CTXND1: variants seen among roughly 807,000 people sequenced by gnomAD.
The protein encoded by CTXND1 is cortexin domain containing 1, also known as cortexin domain-containing 1 protein.
chr15:80,239,810 C>T (rs1476171220), intron 1 of CTXND1, among the ~76,000 whole-genome samples: 1 of 152,194 alleles, frequency 6.6e-6, no homozygotes, highest in Non-Finnish European at 1.5e-5. Context: ...CAGGCTCACT[C>T]AAGCCTCCCT....
At chr15:80,236,126 G>A (rs529918608) in intron 1 of CTXND1, among the ~76,000 whole-genome samples, 77 of 151,330 alleles carry the variant, frequency 5.1e-4, no homozygotes, top group African/African-American at 1.7e-3. Context: ...AACATCCTAT[G>A]TCATGGTCCT....
chr15:80,210,261 C>T (rs1893191643), intron 1 of CTXND1, among the ~76,000 whole-genome samples: 1 of 152,168 alleles, frequency 6.6e-6, no homozygotes, highest in African/African-American at 2.4e-5. Flanking sequence ...TTGTTCTAGC[C>T]AGTCCACTGA....
At chr15:80,248,064 G>A (rs1470968916) in intron 1 of CTXND1, among the ~76,000 whole-genome samples, 1 of 152,236 alleles carries the variant, frequency 6.6e-6, no homozygotes, top group Non-Finnish European at 1.5e-5. Context: ...TACTCTCAAT[G>A]GAGAGGATGC....
intron 1 of CTXND1, among the ~76,000 whole-genome samples, chr15:80,247,919 G>C (rs758138062): frequency 3.3e-5 from 5 of 152,124 alleles, no homozygotes; most frequent in South Asian, 2.1e-4. Context: ...TCACTACTTG[G>C]GAGCTGAATC....
chr15:80,205,150 G>A (rs905235863), intron 1 of CTXND1, among the ~76,000 whole-genome samples: 2 of 152,164 alleles, frequency 1.3e-5, no homozygotes, highest in African/African-American at 4.8e-5. Context: ...ATATCTTGGA[G>A]ATTATTTCAT....
intron 1 of CTXND1, among the ~76,000 whole-genome samples, chr15:80,240,155 AG>A (rs1342323849): frequency 6.6e-6 from 1 of 151,954 alleles, no homozygotes; most frequent in Admixed American, 6.6e-5. Flanking sequence ...AGTAGAGACG[AG>A]GTTTCTCCAT....
chr15:80,232,762 C>G (rs1318306591), intron 1 of CTXND1, among the ~76,000 whole-genome samples: 1 of 152,144 alleles, frequency 6.6e-6, no homozygotes, highest in Non-Finnish European at 1.5e-5. Context: ...GTGCTCATGC[C>G]TTTGCAATGA....
intron 1 of CTXND1, among the ~76,000 whole-genome samples, chr15:80,220,154 T>TATC (rs1375229759): frequency 1.2e-4 from 11 of 95,008 alleles, no homozygotes; most frequent in Admixed American, 2.8e-4. Flanking sequence ...ATCATCTATC[T>TATC]ATCTATCTAT....
At chr15:80,226,615 C>T (rs1893374764) in intron 1 of CTXND1, among the ~76,000 whole-genome samples, 2 of 152,154 alleles carry the variant, frequency 1.3e-5, no homozygotes, top group South Asian at 4.1e-4. Flanking sequence ...CCCAACTCCC[C>T]CACAGCTGAG....
chr15:80,212,822 G>A (rs1893214763), intron 1 of CTXND1, among the ~76,000 whole-genome samples: 1 of 152,118 alleles, frequency 6.6e-6, no homozygotes, highest in Non-Finnish European at 1.5e-5. Flanking sequence ...AATTCTACAG[G>A]CAGAAAACAT....
intron 1 of CTXND1, among the ~76,000 whole-genome samples, chr15:80,247,280 G>A (rs990226): frequency 0.71 from 107,714 of 152,012 alleles, 38,512 homozygotes; most frequent in East Asian, 0.79. Flanking sequence ...AACATTCCAC[G>A]TGTAGGAGCT....
At chr15:80,228,073 C>G (rs1219701066) in intron 1 of CTXND1, among the ~76,000 whole-genome samples, 1 of 152,198 alleles carries the variant, frequency 6.6e-6, no homozygotes, top group Non-Finnish European at 1.5e-5. Flanking sequence ...CTTCAAGGAA[C>G]CACTTTCTTT....
intron 1 of CTXND1, among the ~76,000 whole-genome samples, chr15:80,212,360 T>A (rs899644576): frequency 6.6e-6 from 1 of 152,206 alleles, no homozygotes; most frequent in African/African-American, 2.4e-5. Context: ...TCCATACTTT[T>A]AAATTCAAGA....
intron 1 of CTXND1, among the ~76,000 whole-genome samples, chr15:80,240,159 T>C (rs1893549007): frequency 6.6e-6 from 1 of 152,280 alleles, no homozygotes; most frequent in Admixed American, 6.5e-5. Context: ...GAGACGAGGT[T>C]TCTCCATGTT....
chr15:80,222,615 C>T (rs116863787), intron 1 of CTXND1, among the ~76,000 whole-genome samples: 1,881 of 152,124 alleles, frequency 0.012, 15 homozygotes, highest in Non-Finnish European at 0.019. Context: ...ATTAACAGTT[C>T]CTCCTCTCTT....
At chr15:80,245,990 A>G (rs148424862) in intron 1 of CTXND1, among the ~76,000 whole-genome samples, 1 of 152,362 alleles carries the variant, frequency 6.6e-6, no homozygotes, top group East Asian at 1.9e-4. Context: ...ACAAAACTGG[A>G]GGAAATACTA....
intron 1 of CTXND1, among the ~76,000 whole-genome samples, chr15:80,230,336 A>G (rs559633464): frequency 2.9e-4 from 44 of 152,168 alleles, no homozygotes; most frequent in South Asian, 1.2e-3. Flanking sequence ...AATATTCACA[A>G]TCTCCCACAA....
At chr15:80,206,206 G>T (rs560204025) in intron 1 of CTXND1, among the ~76,000 whole-genome samples, 2 of 152,312 alleles carry the variant, frequency 1.3e-5, no homozygotes, top group Non-Finnish European at 2.9e-5. Flanking sequence ...TTCAGCGTGT[G>T]TATCATTAAC....
In CTXND1 at chr15:80,204,182, A is replaced by G. The variant is rs1336152846; in HGVS notation, c.-217-442T>C. Among the ~76,000 whole-genome samples, 3 of 42,378 alleles carry G rather than the reference A, an allele frequency of 7.1e-5. 1 individual carries two copies. Among genetic ancestry groups the G allele is most frequent in the East Asian group, 2.2e-3 (2 of 900 alleles). The allele number at this position is 42,378 out of a possible 152,430, so 27.8% of individuals were successfully genotyped here. A position where few individuals can be genotyped will look rare whatever the true frequency, so the allele number is the denominator to read the frequency against. On this transcript the variant is annotated intron_variant, in intron 1 of 2. Transcript: ENST00000560778. The stretch of plus-strand genomic sequence containing the variant: ...AAAAAAAAAAAAAATATATATATAT[A>G]TATATATATATATATATACACAAAC...
Sources: gnomAD v4.1 joint callset for allele counts (sites outside exome capture counted in the v4.1 genomes callset) on GRCh38, gnomAD v4.1.1 for gene constraint, MANE v1.5 for transcripts, NCBI Gene and HGNC (gene_info 2026-07-23, HGNC 2026-07-21) for gene names.